NAA11: variants seen among roughly 807,000 people sequenced by gnomAD.
The protein encoded by NAA11 is N-alpha-acetyltransferase 11, NatA catalytic subunit, also known as N-alpha-acetyltransferase 11.
A neutral mutation model predicts 16.1 loss-of-function variants in NAA11; 15 were observed. The ratio of observed to expected loss-of-function variants is 0.93; its 90% CI spans 0.62 to 1.44. NAA11 has a LOEUF of 1.44. Ranked by LOEUF, NAA11 falls within the 40% of genes most tolerant of loss-of-function variation. The pLI is 0.00. For missense variants in NAA11, 298 were observed against 291.3 expected (o/e 1.02, Z -0.17); for synonymous variants, 122 against 112.4 (o/e 1.09, Z -0.54).
chr4:79,304,949 A>T (rs1415727938), intron 1 of NAA11, among the ~76,000 whole-genome samples: 2 of 152,158 alleles, frequency 1.3e-5, no homozygotes, highest in Non-Finnish European at 2.9e-5. Flanking sequence ...GACATAGGTG[A>T]ATATAATCCT....
the NAA11 span, among the ~76,000 whole-genome samples, chr4:79,210,228 A>G: frequency 6.6e-6 from 1 of 152,044 alleles, no homozygotes; most frequent in Non-Finnish European, 1.5e-5. Flanking sequence ...TAAGCAGTGG[A>G]AAGTTACAGT....
the NAA11 span, among the ~76,000 whole-genome samples, chr4:79,210,707 C>A: frequency 6.6e-6 from 1 of 151,926 alleles, no homozygotes; most frequent in African/African-American, 2.4e-5. Context: ...CCTGGGTTAG[C>A]GGCAGCGTAA....
chr4:79,163,918 T>C, the NAA11 span, among the ~76,000 whole-genome samples: 2 of 152,204 alleles, frequency 1.3e-5, no homozygotes, highest in Admixed American at 1.3e-4. Flanking sequence ...TATGAAGTTC[T>C]CAAATGGGTG....
At chr4:79,167,486 A>C in the NAA11 span, among the ~76,000 whole-genome samples, 2 of 151,796 alleles carry the variant, frequency 1.3e-5, no homozygotes, top group Admixed American at 6.6e-5. Context: ...ATACCTATTA[A>C]ATGGGGAGTC....
chr4:79,272,233 T>G (rs1479448639), intron 2 of NAA11, among the ~76,000 whole-genome samples: 3 of 152,024 alleles, frequency 2.0e-5, no homozygotes, highest in African/African-American at 7.2e-5. Context: ...AAACTCATAC[T>G]TTTCCCAATA....
At chr4:79,187,251 C>T in the NAA11 span, among the ~76,000 whole-genome samples, 1 of 152,132 alleles carries the variant, frequency 6.6e-6, no homozygotes, top group Non-Finnish European at 1.5e-5. Flanking sequence ...GTGAGGCTAA[C>T]GAACATCCCA....
At chr4:79,292,258 T>C (rs1402708982) in intron 2 of NAA11, among the ~76,000 whole-genome samples, 1 of 152,198 alleles carries the variant, frequency 6.6e-6, no homozygotes, top group East Asian at 1.9e-4. Context: ...TTTCACAGAA[T>C]CAGTTTAATA....
chr4:79,294,491 A>G (rs928602498), intron 1 of NAA11, among the ~76,000 whole-genome samples: 2 of 152,240 alleles, frequency 1.3e-5, no homozygotes, highest in Admixed American at 1.3e-4. Flanking sequence ...AATTTTGGCA[A>G]TCATAAAAGG....
At chr4:79,167,306 G>C in the NAA11 span, among the ~76,000 whole-genome samples, 1 of 138,056 alleles carries the variant, frequency 7.2e-6, no homozygotes, top group African/African-American at 2.7e-5. Context: ...GAGAGACGTG[G>C]TAAGAAATCA....
the NAA11 span, among the ~76,000 whole-genome samples, chr4:79,189,312 G>C: frequency 4.6e-5 from 7 of 152,056 alleles, no homozygotes; most frequent in African/African-American, 1.4e-4. Flanking sequence ...CTAATGGATT[G>C]CTTAGAGGGA....
intron 2 of NAA11, among the ~76,000 whole-genome samples, chr4:79,281,610 G>A (rs1400076119): frequency 2.0e-5 from 3 of 152,062 alleles, no homozygotes; most frequent in African/African-American, 7.2e-5. Context: ...GTAACAATAA[G>A]TGCTATGATG....
At chr4:79,165,247 A>T in the NAA11 span, among the ~76,000 whole-genome samples, 6 of 152,120 alleles carry the variant, frequency 3.9e-5, no homozygotes, top group Non-Finnish European at 8.8e-5. Context: ...GAAGTCATTA[A>T]CTGGGACAGG....
In NAA11 at chr4:79,324,803, C is replaced by T. The variant is rs188872414; in HGVS notation, c.*12+373G>A. On this transcript the variant is annotated intron_variant, in intron 1 of 1. Coordinates refer to ENST00000286794, the MANE Select transcript of NAA11 (RefSeq NM_032693.3). ...TGACTCTTGGCTGGGTCCATTATTT[C>T]ATCAAGAGTTGGAAAATGATGATTT... is the stretch of plus-strand genomic sequence containing the variant. 1.6e-4 allele frequency among the ~76,000 whole-genome samples: 25 copies of T among 152,236 alleles called. No homozygotes were observed. In the East Asian group the frequency reaches 4.8e-3, roughly 29 times the overall value.
downstream of NAA11, among the ~76,000 whole-genome samples, chr4:79,222,439 A>T (rs1226072717): frequency 6.6e-6 from 1 of 151,306 alleles, no homozygotes; most frequent in Non-Finnish European, 1.5e-5. Flanking sequence ...CTGGCTAGCC[A>T]TATGTAGAAA....
intron 2 of NAA11, among the ~76,000 whole-genome samples, chr4:79,260,129 T>C (rs1272173899): frequency 6.6e-6 from 1 of 152,220 alleles, no homozygotes; most frequent in Non-Finnish European, 1.5e-5. Context: ...GTTTGGTATT[T>C]GGGGGTTATC....
chr4:79,191,874 G>A, the NAA11 span, among the ~76,000 whole-genome samples: 1 of 152,098 alleles, frequency 6.6e-6, no homozygotes, highest in Admixed American at 6.5e-5. Context: ...TGTAAGAGGG[G>A]GGTCCAACTT....
the NAA11 span, among the ~76,000 whole-genome samples, chr4:79,198,751 C>T: frequency 3.9e-5 from 6 of 152,022 alleles, no homozygotes; most frequent in East Asian, 1.9e-4. Context: ...TCAACAAGAG[C>T]GGTCTTGGGA....
At chr4:79,316,234 TA>T (rs1175914612), downstream of NAA11, among the ~76,000 whole-genome samples, 1 of 152,128 alleles carries the variant, frequency 6.6e-6, no homozygotes, top group African/African-American at 2.4e-5. Flanking sequence ...CTGTAATATT[TA>T]AAAATAAAGA....
intron 2 of NAA11, among the ~76,000 whole-genome samples, chr4:79,258,395 G>A (rs978240073): frequency 1.3e-5 from 2 of 152,276 alleles, no homozygotes; most frequent in African/African-American, 4.8e-5. Flanking sequence ...TGCTCCCGCT[G>A]TCTGCCTTCT....
Sources: allele counts gnomAD v4.1 joint callset (sites outside exome capture counted in the v4.1 genomes callset), GRCh38; gene constraint gnomAD v4.1.1; transcripts MANE v1.5; gene names NCBI Gene and HGNC (gene_info 2026-07-23, HGNC 2026-07-21).